The following LGALS3BP variants were observed in gnomAD, a reference collection of about 807,000 sequenced individuals.
LGALS3BP encodes the protein galectin 3 binding protein, also known as galectin-3-binding protein.
In LGALS3BP, 25 loss-of-function variants were observed where a neutral mutation model predicts 22.9. That is an observed-to-expected ratio of 1.09 (90% confidence interval 0.80 to 1.53). LGALS3BP has a LOEUF of 1.53. Ranked by LOEUF, LGALS3BP falls within the 40% of genes most tolerant of loss-of-function variation. The probability of loss-of-function intolerance (pLI) is 0.00; values close to 1 mark genes in which losing one functional copy is unlikely to be tolerated. For synonymous variants in LGALS3BP, 335 were observed against 331.1 expected (o/e 1.01, Z -0.13); for missense variants, 718 against 752.0 (o/e 0.95, Z 0.53).
chr17:78,972,752 G>C lies in LGALS3BP; in HGVS notation c.630-48C>G. 2 of 1,509,944 alleles carry C rather than the reference G, an allele frequency of 1.3e-6. No individual in the cohort carries two copies. Among genetic ancestry groups the C allele is most frequent in the Non-Finnish European group, 1.8e-6 (2 of 1,130,668 alleles). The allele number at this position is 1,509,944 out of a possible 1,614,324, so 93.5% of individuals were successfully genotyped here. On this transcript the variant is annotated intron_variant, in intron 5 of 5. Coordinates refer to ENST00000262776, the MANE Select transcript of LGALS3BP (RefSeq NM_005567.4). This position sits in a 1 kb window ranked among gnomAD's most constrained non-coding sequence, Gnocchi z 5.1. ...GATGCCGGCCCCACAGGACAGCAGG[G>C]GAGCCCTGGGCCCAACTGTCCAACA...
At position 78,971,281 on chromosome 17, in the gene LGALS3BP, C is replaced by A; in HGVS notation, c.*295G>T. 2.2e-6 allele frequency: 1 copy of A among 451,622 alleles called. No homozygotes were observed. Among genetic ancestry groups the A allele is most frequent in the Non-Finnish European group, 4.0e-6 (1 of 250,238 alleles). The allele number at this position is 451,622 out of a possible 1,614,324, so 28.0% of individuals were successfully genotyped here. On this transcript the variant is annotated 3_prime_UTR_variant, in exon 6 of 6. Transcript: ENST00000262776. This position sits in a 1 kb window ranked among gnomAD's most constrained non-coding sequence, Gnocchi z 5.6. ...AGGAACCTCAATGTAATTTTAATGA[C>A]CTCAGACCAGTGACAAGGGCAGACT...
At chr17:78,979,473 G>A (rs117685473) in intron 1 of LGALS3BP, 4,998 of 149,998 alleles carry the variant, frequency 0.033, 110 homozygotes, top group African/African-American at 0.06. Flanking sequence ...TGCCCTGGCC[G>A]GGCGCGGTGG....
chr17:78,973,139 C>T lies in LGALS3BP; in HGVS notation c.460G>A (p.Asp154Asn), dbSNP rs761174474. The T allele has an allele frequency of 5.4e-5, 87 of 1,612,224 alleles. No homozygotes were observed. The highest frequency in any genetic ancestry group is 5.6e-5 in the Non-Finnish European group (66 of 1,179,614). The part of the protein sequence containing the change: ...GQIFDSQRGC[D>N]LSISVNVQGE... The stretch of plus-strand genomic sequence containing the variant: ...TGCACATTCACGCTGATGGACAGGT[C>T]GCAGCCCCGCTGGCTGTCAAAGATC... The change falls in exon 5 of 6, where the codon GAC becomes AAC. Residue 154 changes from aspartate to asparagine, a missense_variant. Transcript: ENST00000262776. The surrounding 1 kb of genome is among the most constrained non-coding windows in gnomAD (Gnocchi z 5.8).
chr17:78,976,219 G>T lies in LGALS3BP; in HGVS notation c.53-63C>A. 1 of 1,406,468 alleles carries T rather than the reference G, an allele frequency of 7.1e-7. No homozygotes were observed. Among genetic ancestry groups the T allele is most frequent in the African/African-American group, 1.4e-5 (1 of 69,822 alleles). The allele number at this position is 1,406,468 out of a possible 1,614,324, so 87.1% of individuals were successfully genotyped here. ...GCAGCACCCACCGCCCACACCTCCA[G>T]GCCCCATATGCTGTCCTGGGTCTCC... On this transcript the variant is annotated intron_variant, in intron 2 of 5. Coordinates refer to ENST00000262776, the MANE Select transcript of LGALS3BP (RefSeq NM_005567.4). This position sits in a 1 kb window ranked among gnomAD's most constrained non-coding sequence, Gnocchi z 4.6.
Position 78,976,090 on chromosome 17 carries a change from A to G in LGALS3BP, c.119T>C (p.Phe40Ser), listed in dbSNP as rs916958787. The change falls in exon 3 of 6, where the codon TTC becomes TCC. Residue 40 changes from phenylalanine to serine, a missense_variant. Coordinates refer to ENST00000262776, the MANE Select transcript of LGALS3BP (RefSeq NM_005567.4). The surrounding 1 kb of genome is among the most constrained non-coding windows in gnomAD (Gnocchi z 4.6). ...GATNQGRVEI[F>S]YRGQWGTVCD... ...CACAGTGCCCCACTGGCCTCTGTAG[A>G]AGATCTCCACGCGGCCCTGGTTGGT... 1.9e-6 allele frequency: 3 copies of G among 1,609,010 alleles called. No individual in the cohort carries two copies. The highest frequency in any genetic ancestry group is 2.5e-6 in the Non-Finnish European group (3 of 1,178,388).
rs758935837 is a variant in LGALS3BP, at chr17:78,975,954, G to A, written c.244+11C>T. On this transcript the variant is annotated intron_variant, in intron 3 of 5. Coordinates refer to ENST00000262776, the MANE Select transcript of LGALS3BP (RefSeq NM_005567.4). ...GTCTCAGCCTCAGTGGAAGGGGACA[G>A]CAGGCCCTACCTTGCCCGAAGGCAG... 8.1e-5 allele frequency: 129 copies of A among 1,592,074 alleles called. 1 individual carries two copies. The Middle Eastern group carries it at 8.6e-4, about 11-fold the overall frequency.
At position 78,972,540 on chromosome 17, in the gene LGALS3BP, G is replaced by A. The variant is rs780589312; in HGVS notation, c.794C>T (p.Ala265Val). 1.2e-6 allele frequency: 2 copies of A among 1,610,328 alleles called. No homozygotes were observed. Among genetic ancestry groups the A allele is most frequent in the South Asian group, 1.1e-5 (1 of 90,970 alleles). Reference sequence around the variant, plus strand: ...GGCGTCCCCTGTGGCCACTGCATAGGCATACAGGTCCAGGGGCATCTGGAA... The same window carrying A: ...GGCGTCCCCTGTGGCCACTGCATAGACATACAGGTCCAGGGGCATCTGGAA... ...PSFQMPLDLY[A>V]YAVATGDALL... is the part of the protein sequence containing the mutation. Residue 265 changes from alanine (A) to valine (V), a missense_variant, in exon 6 of 6, where the codon GCC becomes GTC. Transcript: ENST00000262776. This position sits in a 1 kb window ranked among gnomAD's most constrained non-coding sequence, Gnocchi z 5.1.
Position 78,971,512 on chromosome 17 carries a change from A to G in LGALS3BP, c.*64T>C. ...ATTGCAGAGAGGAAGGAAGCCGAGGAGGGGAGCCTGCAGTGAGGGCGTCCT... is the reference window on the plus strand; with the variant it reads ...ATTGCAGAGAGGAAGGAAGCCGAGGGGGGGAGCCTGCAGTGAGGGCGTCCT... On this transcript the variant is annotated 3_prime_UTR_variant, in exon 6 of 6. Transcript: ENST00000262776. This position sits in a 1 kb window ranked among gnomAD's most constrained non-coding sequence, Gnocchi z 5.6. The G allele has an allele frequency of 6.8e-7, 1 of 1,467,948 alleles. No homozygotes were observed. Among genetic ancestry groups the G allele is most frequent in the South Asian group, 1.3e-5 (1 of 79,686 alleles). 90.9% of individuals were successfully genotyped at this position (1,467,948 alleles called of 1,614,324 possible). A position where few individuals can be genotyped will look rare whatever the true frequency, so the allele number is the denominator to read the frequency against.
intron 1 of LGALS3BP, chr17:78,977,623 G>A: frequency 4.7e-6 from 1 of 212,570 alleles, no homozygotes; most frequent in Admixed American, 5.3e-5. Flanking sequence ...GGGTGAGCCT[G>A]GTTAAGATCT....
intron 1 of LGALS3BP, among the ~76,000 whole-genome samples, chr17:78,978,414 G>A (rs2070738293): frequency 6.6e-6 from 1 of 152,236 alleles, no homozygotes; most frequent in East Asian, 1.9e-4. Flanking sequence ...GTGACCCTGA[G>A]AACCACCTTA....
At position 78,975,952 on chromosome 17, in the gene LGALS3BP, C is replaced by T. The variant is rs751146979; in HGVS notation, c.244+13G>A. 2.5e-6 allele frequency: 4 copies of T among 1,590,164 alleles called. No homozygotes were observed. Among genetic ancestry groups the T allele is most frequent in the Non-Finnish European group, 3.4e-6 (4 of 1,168,616 alleles). ...GGGTCTCAGCCTCAGTGGAAGGGGA[C>T]AGCAGGCCCTACCTTGCCCGAAGGC... On this transcript the variant is annotated intron_variant, in intron 3 of 5. Transcript: ENST00000262776.
intron 1 of LGALS3BP, among the ~76,000 whole-genome samples, chr17:78,977,971 G>C (rs1457912953): frequency 6.6e-6 from 1 of 152,188 alleles, no homozygotes; most frequent in Admixed American, 6.5e-5. Context: ...TGGTGTTCTT[G>C]CCTCCGTGTA....
chr17:78,974,584 C>T (rs1025278730), intron 4 of LGALS3BP, 104 bp downstream of exon 4: 4 of 1,378,770 alleles, frequency 2.9e-6, no homozygotes, highest in South Asian at 2.7e-5. Flanking sequence ...TGGAAGGAAC[C>T]TTTGTGTGCT....
Position 78,976,012 on chromosome 17 carries a change from C to T in LGALS3BP, c.197G>A (p.Gly66Asp), listed in dbSNP as rs770939317. Residue 66 changes from glycine (G) to aspartate (D), a missense_variant, in exon 3 of 6, where the codon GGC becomes GAC. Gly to Asp is a moderately conservative substitution (Grantham distance 94). Transcript: ENST00000262776. The surrounding 1 kb of genome is among the most constrained non-coding windows in gnomAD (Gnocchi z 4.6). ...CAGAGCCTGGGTGGCGTTCTCGAAGCCCAGGGCCCGGCAGACGACGCTGGC... is the reference window on the plus strand; with the variant it reads ...CAGAGCCTGGGTGGCGTTCTCGAAGTCCAGGGCCCGGCAGACGACGCTGGC... ...TDASVVCRAL[G>D]FENATQALGR... 2 of 1,612,584 alleles carry T rather than the reference C, an allele frequency of 1.2e-6. No homozygotes were observed. Among genetic ancestry groups the T allele is most frequent in the Non-Finnish European group, 1.7e-6 (2 of 1,179,778 alleles).
chr17:78,972,578 G>C lies in LGALS3BP; in HGVS notation c.756C>G (p.Pro252=). The C allele has an allele frequency of 1.2e-6, 2 of 1,600,730 alleles. No homozygotes were observed. The highest frequency in any genetic ancestry group is 1.3e-5 in the African/African-American group (1 of 74,778). The change falls in exon 6 of 6, where the codon CCC becomes CCG. Residue 252 remains proline, a synonymous_variant. Transcript: ENST00000262776. This position sits in a 1 kb window ranked among gnomAD's most constrained non-coding sequence, Gnocchi z 5.1. The part of the protein sequence containing the change: ...YCASLFAILL[P]QDPSFQMPLD... ...GGGGCATCTGGAACGAGGGGTCCTG[G>C]GGGAGGAGGATGGCAAAGAGGCTTG...
Position 78,977,195 on chromosome 17 carries a change from C to G in LGALS3BP, c.-4G>C. The stretch of plus-strand genomic sequence containing the variant: ...AGAAGAGCCTCGGAGGGGTCATGGC[C>G]GTGCCTGGATGCCCAGATCCTGCAG... On this transcript the variant is annotated 5_prime_UTR_variant, in exon 2 of 6. Coordinates refer to ENST00000262776, the MANE Select transcript of LGALS3BP (RefSeq NM_005567.4). 4 of 1,612,692 alleles carry G rather than the reference C, an allele frequency of 2.5e-6. No individual in the cohort carries two copies. The highest frequency in any genetic ancestry group is 3.4e-6 in the Non-Finnish European group (4 of 1,179,890).
chr17:78,972,902 G>A lies in LGALS3BP; in HGVS notation c.629+68C>T, dbSNP rs1009262993. 2 of 1,542,314 alleles carry A rather than the reference G, an allele frequency of 1.3e-6. No homozygotes were observed. The highest frequency in any genetic ancestry group is 8.8e-7 in the Non-Finnish European group (1 of 1,141,992). Reference sequence around the variant, plus strand: ...TGTGCAGGTGTGTGTGTGGGGGGCTGTGCTTTTGAAGAGGGGAGGAGGACA... The same window carrying A: ...TGTGCAGGTGTGTGTGTGGGGGGCTATGCTTTTGAAGAGGGGAGGAGGACA... On this transcript the variant is annotated intron_variant, in intron 5 of 5. Transcript: ENST00000262776. The surrounding 1 kb of genome is among the most constrained non-coding windows in gnomAD (Gnocchi z 5.1).
Position 78,976,652 on chromosome 17 carries a change from A to C in LGALS3BP, c.52+488T>G, listed in dbSNP as rs144863046. Among the ~76,000 whole-genome samples the C allele has an allele frequency of 1.3e-5, 2 of 152,144 alleles. No homozygotes were observed. Among genetic ancestry groups the C allele is most frequent in the African/African-American group, 2.4e-5 (1 of 41,438 alleles). ...ATGTCCTTCTGGGACTCAGTCCACC[A>C]ACACTCCAGCCCCTACAGGAGCTGA... On this transcript the variant is annotated intron_variant, in intron 2 of 5. Transcript: ENST00000262776. This position sits in a 1 kb window ranked among gnomAD's most constrained non-coding sequence, Gnocchi z 4.6.
intron 1 of LGALS3BP, 137 bp from the exon 2 acceptor site, chr17:78,977,351 T>A: frequency 1.5e-6 from 1 of 666,766 alleles, no homozygotes; most frequent in Non-Finnish European, 2.5e-6. Context: ...GAGCCCACTA[T>A]GATCCCAGTA....
Sources: allele counts gnomAD v4.1 joint callset (sites outside exome capture counted in the v4.1 genomes callset), GRCh38; gene constraint gnomAD v4.1.1; non-coding constraint Gnocchi (gnomAD v3.1); transcripts MANE v1.5; gene names NCBI Gene and HGNC (gene_info 2026-07-23, HGNC 2026-07-21).